ZCCHC7: variants seen among roughly 807,000 people sequenced by gnomAD.
The protein encoded by ZCCHC7 is zinc finger CCHC-type containing 7.
ZCCHC7 carries 35 observed loss-of-function variants against 52.0 expected under a neutral mutation model. The ratio of observed to expected loss-of-function variants is 0.67; its 90% CI spans 0.51 to 0.89. The LOEUF (loss-of-function observed/expected upper bound fraction) is 0.89. Ranked by LOEUF, ZCCHC7 falls within the 40% of genes least tolerant of loss-of-function variation. The pLI is 0.00. For missense variants in ZCCHC7, 574 were observed against 649.1 expected (o/e 0.88, Z 1.26); for synonymous variants, 217 against 221.5 (o/e 0.98, Z 0.18).
chr9:37,339,120 T>C (rs925756040), intron 6 of ZCCHC7, among the ~76,000 whole-genome samples: 3 of 152,186 alleles, frequency 2.0e-5, no homozygotes, highest in Non-Finnish European at 4.4e-5. Context: ...TGAGGAAAAT[T>C]AGTAGCAATG....
chr9:37,142,528 T>TA (rs2132780282), intron 2 of ZCCHC7, among the ~76,000 whole-genome samples: 1 of 151,960 alleles, frequency 6.6e-6, no homozygotes, highest in East Asian at 1.9e-4. Context: ...ATTTTCTAGT[T>TA]ACTGTGCTTC....
intron 2 of ZCCHC7, among the ~76,000 whole-genome samples, chr9:37,251,098 TC>T (rs1826308338): frequency 6.6e-6 from 1 of 152,244 alleles, no homozygotes; most frequent in Non-Finnish European, 1.5e-5. Flanking sequence ...GGAATTGGTT[TC>T]CACCTTTATA....
chr9:37,145,587 A>C (rs1361703221), intron 2 of ZCCHC7, among the ~76,000 whole-genome samples: 1 of 151,946 alleles, frequency 6.6e-6, no homozygotes, highest in African/African-American at 2.4e-5. Flanking sequence ...ACAAGCCTTA[A>C]TTGAAAAGGA....
At chr9:37,304,548 T>TGAGGCAGGAGGC (rs1327549842) in intron 4 of ZCCHC7, among the ~76,000 whole-genome samples, 3 of 151,966 alleles carry the variant, frequency 2.0e-5, no homozygotes, top group Non-Finnish European at 4.4e-5. Context: ...TCCCAGCTAC[T>TGAGGCAGGAGGC]TGGGAGGCTG....
intron 2 of ZCCHC7, among the ~76,000 whole-genome samples, chr9:37,271,827 C>T (rs532353660): frequency 6.6e-6 from 1 of 152,216 alleles, no homozygotes; most frequent in Non-Finnish European, 1.5e-5. Context: ...GCCTCAGCCT[C>T]CCAAATTGCT....
In ZCCHC7 at chr9:37,134,127, T is replaced by A. The variant is rs766042611; in HGVS notation, c.610+7185T>A. 3.2e-4 allele frequency among the ~76,000 whole-genome samples: 48 copies of A among 152,190 alleles called. 1 individual carries two copies. Among genetic ancestry groups the A allele is most frequent in the Admixed American group, 1.4e-3 (21 of 15,290 alleles). ...TCACATACCCAGCTAGTGTTCAGAT[T>A]TCCTACACTGGCTCCTAATTTTTTT... is the stretch of plus-strand genomic sequence containing the variant. On this transcript the variant is annotated intron_variant, in intron 2 of 8. Transcript: ENST00000336755.
At chr9:37,211,610 G>T (rs1824218520) in intron 2 of ZCCHC7, among the ~76,000 whole-genome samples, 1 of 152,070 alleles carries the variant, frequency 6.6e-6, no homozygotes, top group African/African-American at 2.4e-5. Context: ...GTAATAGGAT[G>T]TTAATTATGT....
intron 2 of ZCCHC7, among the ~76,000 whole-genome samples, chr9:37,159,670 T>G (rs1026129773): frequency 2.6e-5 from 4 of 152,224 alleles, no homozygotes; most frequent in Admixed American, 6.5e-5. Context: ...TTTGCCGTTC[T>G]GTTCCTATAA....
chr9:37,336,230 C>T lies in ZCCHC7; in HGVS notation c.987+8396C>T, dbSNP rs1263126660. On this transcript the variant is annotated intron_variant, in intron 6 of 8. Transcript: ENST00000336755. ...GAGCTGGGTCAGTTCTGCAGACTTC[C>T]AGCTGTATTCTCAGATACGTCCAGC... is the stretch of plus-strand genomic sequence containing the variant. 3.9e-5 allele frequency among the ~76,000 whole-genome samples: 6 copies of T among 152,274 alleles called. No homozygotes were observed. In the South Asian group the frequency reaches 8.3e-4, roughly 21 times the overall value.
At chr9:37,281,223 C>A (rs1045610546) in intron 2 of ZCCHC7, among the ~76,000 whole-genome samples, 6 of 152,264 alleles carry the variant, frequency 3.9e-5, no homozygotes, top group South Asian at 2.1e-4. Flanking sequence ...CCTATATTGC[C>A]CAGGCTGGTC....
chr9:37,217,140 G>A (rs958111558), intron 2 of ZCCHC7, among the ~76,000 whole-genome samples: 1 of 152,046 alleles, frequency 6.6e-6, no homozygotes, highest in Non-Finnish European at 1.5e-5. Context: ...TTTATAGTTA[G>A]AATCCTTCAG....
chr9:37,354,697 A>G lies in ZCCHC7; in HGVS notation c.1084-13A>G. On this transcript the variant is annotated splice_polypyrimidine_tract_variant and intron_variant, in intron 7 of 8. Coordinates refer to ENST00000336755, the MANE Select transcript of ZCCHC7 (RefSeq NM_032226.3). The surrounding 1 kb of genome is among the most constrained non-coding windows in gnomAD (Gnocchi z 4.0). ...TGACCATGTGACATCATAATTTTAC[A>G]TACAATTTATAGGAATGTCCAGAAA... 1.3e-6 allele frequency: 2 copies of G among 1,577,490 alleles called. No individual in the cohort carries two copies. Among genetic ancestry groups the G allele is most frequent in the Non-Finnish European group, 1.7e-6 (2 of 1,149,268 alleles).
chr9:37,322,174 A>G (rs1830080287), intron 5 of ZCCHC7: 1 of 152,194 alleles, frequency 6.6e-6, no homozygotes, highest in Non-Finnish European at 1.5e-5. Flanking sequence ...CTATGTATTC[A>G]CTACCAAACC....
intron 2 of ZCCHC7, among the ~76,000 whole-genome samples, chr9:37,262,590 G>C (rs1826920046): frequency 6.6e-6 from 1 of 152,138 alleles, no homozygotes; most frequent in African/African-American, 2.4e-5. Context: ...CAGCTGCAGT[G>C]GTGAGCTGCC....
Position 37,223,973 on chromosome 9 carries a change from G to A in ZCCHC7, c.611-78215G>A, listed in dbSNP as rs140352653. On this transcript the variant is annotated intron_variant, in intron 2 of 8. Transcript: ENST00000336755. ...TAAAAATTGAAGTGGTCTTCTTTGG[G>A]TGATAGGATTACAGAGGTTTATCAA... is the stretch of plus-strand genomic sequence containing the variant. Among the ~76,000 whole-genome samples, 746 of 152,186 alleles carry A rather than the reference G, an allele frequency of 4.9e-3. 8 individuals are homozygous for A. Among genetic ancestry groups the A allele is most frequent in the African/African-American group, 0.017 (713 of 41,530 alleles).
intron 2 of ZCCHC7, among the ~76,000 whole-genome samples, chr9:37,195,182 G>A (rs540716450): frequency 6.6e-6 from 1 of 152,008 alleles, no homozygotes; most frequent in South Asian, 2.1e-4. Flanking sequence ...CCTGACCTCA[G>A]GAGATCCGCC....
At chr9:37,124,729 G>T (rs1842467796) in intron 1 of ZCCHC7, among the ~76,000 whole-genome samples, 1 of 152,216 alleles carries the variant, frequency 6.6e-6, no homozygotes, top group African/African-American at 2.4e-5. Context: ...TATGCTCACA[G>T]TAGAAAGTAA....
chr9:37,308,773 G>A (rs1450093033), intron 5 of ZCCHC7, among the ~76,000 whole-genome samples: 1 of 151,926 alleles, frequency 6.6e-6, no homozygotes, highest in Non-Finnish European at 1.5e-5. Flanking sequence ...GAGGTCAAGA[G>A]ATCGAGACCA....
chr9:37,287,770 C>G (rs1828324821), intron 2 of ZCCHC7, among the ~76,000 whole-genome samples: 1 of 151,878 alleles, frequency 6.6e-6, no homozygotes, highest in Non-Finnish European at 1.5e-5. Context: ...GTAGCTAGTC[C>G]TAATTACATT....
Sources: allele counts gnomAD v4.1 joint callset (sites outside exome capture counted in the v4.1 genomes callset), GRCh38; gene constraint gnomAD v4.1.1; non-coding constraint Gnocchi (gnomAD v3.1); transcripts MANE v1.5; gene names NCBI Gene and HGNC (gene_info 2026-07-23, HGNC 2026-07-21).